The following TENM3 variants were observed in gnomAD, a reference collection of about 807,000 sequenced individuals.
TENM3 encodes teneurin-3.
In TENM3, 63 loss-of-function variants were observed where a neutral mutation model predicts 255.1. The observed-to-expected ratio is 0.25, with a 90% CI of 0.20 to 0.30. The LOEUF (loss-of-function observed/expected upper bound fraction) is 0.30. TENM3 is among the 10% of genes least tolerant of loss of function. The pLI, the probability that TENM3 is intolerant of heterozygous loss-of-function variation, is 1.00. For synonymous variants in TENM3, 1,306 were observed against 1,322.3 expected (o/e 0.99, Z 0.27); for missense variants, 2,929 against 3,461.1 (o/e 0.85, Z 3.86).
chr4:181,782,334 C>G, the TENM3 span, among the ~76,000 whole-genome samples: 1 of 152,152 alleles, frequency 6.6e-6, no homozygotes, highest in Non-Finnish European at 1.5e-5. Context: ...CAACTTCTTC[C>G]TGGTTTAGTC....
At chr4:181,721,510 G>A in the TENM3 span, among the ~76,000 whole-genome samples, 1 of 111,422 alleles carries the variant, frequency 9.0e-6, no homozygotes, top group Non-Finnish European at 1.9e-5. Flanking sequence ...TGAGGCAGGA[G>A]AATGGCGTGA....
the TENM3 span, among the ~76,000 whole-genome samples, chr4:181,483,567 A>G: frequency 6.6e-6 from 1 of 152,198 alleles, no homozygotes; most frequent in Non-Finnish European, 1.5e-5. Flanking sequence ...ACTGATTTAA[A>G]GTTTAATTGT....
At chr4:182,713,189 T>G (rs1326809423) in intron 12 of TENM3, among the ~76,000 whole-genome samples, 2 of 152,240 alleles carry the variant, frequency 1.3e-5, no homozygotes, top group Non-Finnish European at 2.9e-5. Context: ...GGTAACAGCA[T>G]AAAAGCCTTA....
chr4:182,413,953 G>A (rs1283552890), intron 3 of TENM3, among the ~76,000 whole-genome samples: 1 of 152,132 alleles, frequency 6.6e-6, no homozygotes, highest in African/African-American at 2.4e-5. Flanking sequence ...TACTGTCAAT[G>A]AGAATGTAAT....
At chr4:182,583,776 A>G (rs1745741429) in intron 3 of TENM3, among the ~76,000 whole-genome samples, 1 of 152,188 alleles carries the variant, frequency 6.6e-6, no homozygotes, top group African/African-American at 2.4e-5. Flanking sequence ...CATTTTGGCA[A>G]TACAAACCCA....
At chr4:181,842,417 T>C in the TENM3 span, among the ~76,000 whole-genome samples, 5 of 152,232 alleles carry the variant, frequency 3.3e-5, no homozygotes, top group African/African-American at 7.2e-5. Context: ...TTTATTCTTA[T>C]AACAAGCTTT....
At chr4:182,236,699 G>A (rs2150042659) in intron 1 of TENM3, among the ~76,000 whole-genome samples, 1 of 152,294 alleles carries the variant, frequency 6.6e-6, no homozygotes, top group Non-Finnish European at 1.5e-5. Flanking sequence ...AAAACATAAG[G>A]TTCAGAAGAG....
rs191307114 is a variant in TENM3 at position 182,583,720 on chromosome 4, T to A, written c.512-17204T>A. ...TAAAATTAATGTCAGAACACTAGATTCCTCTTAAAAGTAAATTAGTAATTA... is the reference window on the plus strand; with the variant it reads ...TAAAATTAATGTCAGAACACTAGATACCTCTTAAAAGTAAATTAGTAATTA... On this transcript the variant is annotated intron_variant, in intron 3 of 27. Coordinates refer to ENST00000511685, the MANE Select transcript of TENM3 (RefSeq NM_001080477.4). Among the ~76,000 whole-genome samples, 519 of 152,186 alleles carry A rather than the reference T, an allele frequency of 3.4e-3. 14 individuals carry two copies. The highest frequency in any genetic ancestry group is 0.03 in the Admixed American group (462 of 15,282).
intron 1 of TENM3, among the ~76,000 whole-genome samples, chr4:182,201,423 G>A (rs747044623): frequency 6.6e-6 from 1 of 152,088 alleles, no homozygotes; most frequent in African/African-American, 2.4e-5. Flanking sequence ...GAACAGTTTC[G>A]AGACATAGGC....
chr4:182,479,331 C>T (rs928263241), intron 3 of TENM3, among the ~76,000 whole-genome samples: 14 of 151,696 alleles, frequency 9.2e-5, no homozygotes, highest in Admixed American at 7.2e-4. Context: ...AGTCAGGCTA[C>T]GTTTTTATAT....
the TENM3 span, among the ~76,000 whole-genome samples, chr4:182,120,565 A>T: frequency 6.6e-6 from 1 of 152,214 alleles, no homozygotes; most frequent in Admixed American, 6.5e-5. Flanking sequence ...AATAAGAGCT[A>T]TGAAAATATA....
At chr4:182,358,509 GCTCT>G (rs1765721723) in intron 3 of TENM3, among the ~76,000 whole-genome samples, 1 of 29,158 alleles carries the variant, frequency 3.4e-5, no homozygotes, top group Non-Finnish European at 3.1e-4. Context: ...TCATGATTTG[GCTCT>G]CTGTTTGTCT....
chr4:181,645,028 G>C, the TENM3 span, among the ~76,000 whole-genome samples: 3 of 152,186 alleles, frequency 2.0e-5, no homozygotes, highest in Admixed American at 2.0e-4. Context: ...AATATTCTAA[G>C]CACCTTCCTA....
At chr4:182,556,070 G>A (rs371236526) in intron 3 of TENM3, among the ~76,000 whole-genome samples, 1 of 152,048 alleles carries the variant, frequency 6.6e-6, no homozygotes, top group East Asian at 1.9e-4. Flanking sequence ...AGCCCATTAG[G>A]AACAATAGAA....
intron 4 of TENM3, among the ~76,000 whole-genome samples, chr4:182,619,807 A>G (rs1185547414): frequency 6.6e-6 from 1 of 152,196 alleles, no homozygotes; most frequent in East Asian, 1.9e-4. Context: ...GCTCATCACC[A>G]GAGTGAAAAC....
At chr4:181,463,938 A>G in the TENM3 span, among the ~76,000 whole-genome samples, 5 of 152,160 alleles carry the variant, frequency 3.3e-5, no homozygotes, top group African/African-American at 1.2e-4. Context: ...GACTTAGCAT[A>G]ATGATTCCAA....
At chr4:181,532,922 T>A in the TENM3 span, among the ~76,000 whole-genome samples, 1 of 152,232 alleles carries the variant, frequency 6.6e-6, no homozygotes, top group Admixed American at 6.5e-5. Flanking sequence ...TTCTTAAAAT[T>A]GTTTTTAGGT....
intron 3 of TENM3, among the ~76,000 whole-genome samples, chr4:182,544,810 T>C (rs545135220): frequency 2.0e-5 from 3 of 152,198 alleles, no homozygotes; most frequent in Non-Finnish European, 4.4e-5. Flanking sequence ...TGGAGTCAAA[T>C]ATATGCCCAC....
chr4:182,100,192 G>A, the TENM3 span, among the ~76,000 whole-genome samples: 9 of 151,290 alleles, frequency 5.9e-5, no homozygotes, highest in African/African-American at 9.7e-5. Context: ...TTTGCAGAGC[G>A]TGGTGACATG....
Sources: gnomAD v4.1 joint callset for allele counts (sites outside exome capture counted in the v4.1 genomes callset) on GRCh38, gnomAD v4.1.1 for gene constraint, MANE v1.5 for transcripts, NCBI Gene and HGNC (gene_info 2026-07-23, HGNC 2026-07-21) for gene names.